Variants in MGMT observed in about 807,000 individuals in gnomAD.
The protein encoded by MGMT is O-6-methylguanine-DNA methyltransferase, also known as methylated-DNA--protein-cysteine methyltransferase.
A neutral mutation model predicts 15.9 loss-of-function variants in MGMT; 14 were observed. That is an observed-to-expected ratio of 0.88 (90% CI 0.58 to 1.37). The LOEUF (loss-of-function observed/expected upper bound fraction) is 1.37. Among genes scored for constraint, MGMT ranks in the 40% most tolerant of loss-of-function variants. The probability of loss-of-function intolerance (pLI) is 0.00; values close to 1 mark genes in which losing one functional copy is unlikely to be tolerated. For missense variants in MGMT, 282 were observed against 268.1 expected (o/e 1.05, Z -0.36); for synonymous variants, 130 against 118.2 (o/e 1.10, Z -0.65).
rs565396301 is a variant in MGMT, at chr10:129,474,718, G to A, written c.-13+7422G>A. On this transcript the variant is annotated intron_variant, in intron 1 of 4. Coordinates refer to ENST00000651593, the MANE Select transcript of MGMT (RefSeq NM_002412.5). The stretch of plus-strand genomic sequence containing the variant: ...GTCACGGAATTTTAAAAACCAAACC[G>A]TCAGGTGTTAGAGGTACAGTCACAT... Among the ~76,000 whole-genome samples, 739 of 152,280 alleles carry A rather than the reference G, an allele frequency of 4.9e-3. 2 individuals carry two copies. Among genetic ancestry groups the A allele is most frequent in the Non-Finnish European group, 8.7e-3 (593 of 68,028 alleles).
At chr10:129,695,772 A>G (rs983384342) in intron 2 of MGMT, among the ~76,000 whole-genome samples, 2 of 152,150 alleles carry the variant, frequency 1.3e-5, no homozygotes, top group African/African-American at 2.4e-5. Flanking sequence ...TGCCTGGGAG[A>G]TGGAACAGTC....
chr10:129,564,753 C>G (rs1231142170), intron 2 of MGMT, among the ~76,000 whole-genome samples: 1 of 149,072 alleles, frequency 6.7e-6, no homozygotes, highest in Non-Finnish European at 1.5e-5. Context: ...TGTTTTCTTC[C>G]CTTTCCCCTG....
chr10:129,666,889 T>A (rs1847665092), intron 2 of MGMT, among the ~76,000 whole-genome samples: 1 of 152,208 alleles, frequency 6.6e-6, no homozygotes, highest in South Asian at 2.1e-4. Context: ...TTGCTGGAAG[T>A]TCTTGGCTTG....
At chr10:129,569,846 G>A (rs1157717220) in intron 2 of MGMT, among the ~76,000 whole-genome samples, 1 of 152,126 alleles carries the variant, frequency 6.6e-6, no homozygotes, top group East Asian at 1.9e-4. Flanking sequence ...GGATGATGGG[G>A]GTGTGCCTGC....
At chr10:129,542,500 T>TA (rs1266059568) in intron 2 of MGMT, among the ~76,000 whole-genome samples, 1 of 150,780 alleles carries the variant, frequency 6.6e-6, no homozygotes, top group Admixed American at 6.6e-5. Flanking sequence ...GACAAACACT[T>TA]AGAGAAGCAC....
chr10:129,747,581 T>A (rs1168512032), intron 3 of MGMT, among the ~76,000 whole-genome samples: 1 of 152,212 alleles, frequency 6.6e-6, no homozygotes, highest in Non-Finnish European at 1.5e-5. Flanking sequence ...TTTCCCAAAT[T>A]ATACCATTGA....
At chr10:129,721,491 A>T (rs967223893) in intron 3 of MGMT, among the ~76,000 whole-genome samples, 1 of 152,260 alleles carries the variant, frequency 6.6e-6, no homozygotes, top group African/African-American at 2.4e-5. Context: ...ACTAGAAAAT[A>T]TGTGGACAAG....
At chr10:129,635,004 T>C (rs1847249486) in intron 2 of MGMT, among the ~76,000 whole-genome samples, 1 of 152,226 alleles carries the variant, frequency 6.6e-6, no homozygotes, top group Admixed American at 6.5e-5. Context: ...TTGACTCTTT[T>C]GGGTCTTGCT....
intron 2 of MGMT, among the ~76,000 whole-genome samples, chr10:129,604,712 C>T (rs989125995): frequency 1.1e-4 from 16 of 151,258 alleles, no homozygotes; most frequent in African/African-American, 3.9e-4. Context: ...CTGCAGGCCC[C>T]ACCTGCACCC....
intron 3 of MGMT, among the ~76,000 whole-genome samples, chr10:129,713,450 G>GA (rs1848255799): frequency 6.6e-6 from 1 of 152,168 alleles, no homozygotes. Flanking sequence ...CAGGAAAGGT[G>GA]AAAAGAAGAA....
intron 1 of MGMT, among the ~76,000 whole-genome samples, chr10:129,518,957 G>T (rs906156101): frequency 2.8e-5 from 4 of 142,910 alleles, no homozygotes; most frequent in Non-Finnish European, 6.0e-5. Flanking sequence ...TCCGCAGGAA[G>T]AGGGACTGTC....
rs1157292152 is a variant in MGMT at position 129,638,446 on chromosome 10, G to GAAAAAAAAAAAAAAAAAAAAAAA, written c.126-69439_126-69438insAAAAAAAAAAAAAAAAAAAAAAA. Among the ~76,000 whole-genome samples the GAAAAAAAAAAAAAAAAAAAAAAA allele has an allele frequency of 1.0e-4, 10 of 96,310 alleles. 2 individuals are homozygous for GAAAAAAAAAAAAAAAAAAAAAAA. The highest frequency in any genetic ancestry group is 1.2e-4 in the Admixed American group (1 of 8,472). The allele number at this position is 96,310 out of a possible 152,430, so 63.2% of individuals were successfully genotyped here. On this transcript the variant is annotated intron_variant, in intron 2 of 4. Transcript: ENST00000651593. Reference sequence around the variant, plus strand: ...CAAAGAGGCAAAAAAAAAAAAAAAAGAAAAAAAAAAGAAAAATAACTGACG... The same window carrying GAAAAAAAAAAAAAAAAAAAAAAA: ...CAAAGAGGCAAAAAAAAAAAAAAAAGAAAAAAAAAAAAAAAAAAAAAAAAAAAAAAAAAGAAAAATAACTGACG...
At chr10:129,574,109 C>A (rs1287572335) in intron 2 of MGMT, among the ~76,000 whole-genome samples, 3 of 152,208 alleles carry the variant, frequency 2.0e-5, no homozygotes, top group African/African-American at 7.2e-5. Flanking sequence ...ACAGATGATA[C>A]TGTTATTTAT....
chr10:129,597,096 T>A (rs1362424422), intron 2 of MGMT, among the ~76,000 whole-genome samples: 1 of 152,186 alleles, frequency 6.6e-6, no homozygotes, highest in Non-Finnish European at 1.5e-5. Context: ...AACAAACTGA[T>A]ACCTTGCTTT....
intron 1 of MGMT, among the ~76,000 whole-genome samples, chr10:129,475,331 CTG>C (rs1443481497): frequency 2.0e-5 from 3 of 152,014 alleles, no homozygotes; most frequent in African/African-American, 4.8e-5. Flanking sequence ...CAGGGCAGGG[CTG>C]TGTGTGTCTG....
At chr10:129,752,231 A>T (rs1191346265) in intron 3 of MGMT, among the ~76,000 whole-genome samples, 1 of 151,994 alleles carries the variant, frequency 6.6e-6, no homozygotes, top group Non-Finnish European at 1.5e-5. Context: ...CCCTCTCACT[A>T]TGTAATATTC....
At chr10:129,555,715 T>TAA (rs71478941) in intron 2 of MGMT, among the ~76,000 whole-genome samples, 6 of 148,492 alleles carry the variant, frequency 4.0e-5, no homozygotes, top group African/African-American at 1.2e-4. Flanking sequence ...ACCCTGTCTC[T>TAA]AAAAAAAAAA....
intron 2 of MGMT, among the ~76,000 whole-genome samples, chr10:129,682,848 C>A (rs1034055765): frequency 1.3e-5 from 2 of 152,066 alleles, no homozygotes; most frequent in African/African-American, 4.8e-5. Context: ...CTTTTACATA[C>A]CAGTTTTTTG....
In MGMT at chr10:129,766,802, C is replaced by T. The variant is rs1363902836; in HGVS notation, c.429C>T (p.Ile143=). The T allele has an allele frequency of 6.2e-7, 1 of 1,612,828 alleles. No homozygotes were observed. Among genetic ancestry groups the T allele is most frequent in the Non-Finnish European group, 8.5e-7 (1 of 1,179,888 alleles). The change falls in exon 5 of 5, where the codon ATC becomes ATT. Residue 143 remains isoleucine, a synonymous_variant. Transcript: ENST00000651593. The part of the protein sequence containing the change: ...AMRGNPVPIL[I]PCHRVVCSSG... ...CTGTCTTCCAGGTCCCCATCCTCAT[C>T]CCGTGCCACAGAGTGGTCTGCAGCA...
Sources: gnomAD v4.1 joint callset for allele counts (sites outside exome capture counted in the v4.1 genomes callset) on GRCh38, gnomAD v4.1.1 for gene constraint, MANE v1.5 for transcripts, NCBI Gene and HGNC (gene_info 2026-07-23, HGNC 2026-07-21) for gene names.